Variants in MBD3 observed in about 807,000 individuals in gnomAD.
The protein encoded by MBD3 is methyl-CpG-binding domain protein 3.
In MBD3, 13 loss-of-function variants were observed where a neutral mutation model predicts 31.2. That is an observed-to-expected ratio of 0.42 (90% CI 0.27 to 0.66). MBD3 has a LOEUF of 0.66. MBD3 is among the 30% of genes least tolerant of loss of function. The pLI, the probability that MBD3 is intolerant of heterozygous loss-of-function variation, is 0.26. For synonymous variants in MBD3, 223 were observed against 187.4 expected, an observed-to-expected ratio of 1.19 and a Z score of -1.55; for missense variants, 440 against 426.5, an observed-to-expected ratio of 1.03 and a Z score of -0.28.
rs1915920001 is a variant in MBD3 at position 1,575,292 on chromosome 19, T to C, written c.*2872A>G. 4.5e-6 allele frequency: 2 copies of C among 441,570 alleles called. No individual in the cohort carries two copies. The highest frequency in any genetic ancestry group is 1.6e-5 in the South Asian group (1 of 63,962). 27.4% of individuals were successfully genotyped at this position (441,570 alleles called of 1,614,324 possible). A position where few individuals can be genotyped will look rare whatever the true frequency, so the allele number is the denominator to read the frequency against. On this transcript the variant is annotated 3_prime_UTR_variant, in exon 7 of 7. Transcript: ENST00000434436. The stretch of plus-strand genomic sequence containing the variant: ...TAAAAATACAAAAATTAGCTGGGCG[T>C]GGTGGCTACTCGGGAGGCTGAGGCT...
chr19:1,580,761 A>G (rs1374794127), intron 5 of MBD3, among the ~76,000 whole-genome samples: 1 of 152,158 alleles, frequency 6.6e-6, no homozygotes, highest in Non-Finnish European at 1.5e-5. Flanking sequence ...ATCTCCCTGA[A>G]GGCAGAGACT....
chr19:1,585,371 G>GGCCCCA lies in MBD3; in HGVS notation c.111-163_111-158dup. On this transcript the variant is annotated intron_variant, in intron 1 of 6. Coordinates refer to ENST00000434436, the MANE Select transcript of MBD3 (RefSeq NM_001281453.2). The surrounding 1 kb of genome is among the most constrained non-coding windows in gnomAD (Gnocchi z 4.1). ...CTGACCCCAAACCCAGGCAGGCCCT[G>GGCCCCA]GCCCCAGCCCCAGACCCCAACCCTG... The GGCCCCA allele has an allele frequency of 1.3e-6, 1 of 779,854 alleles. No homozygotes were observed. The allele number at this position is 779,854 out of a possible 1,614,324, so 48.3% of individuals were successfully genotyped here.
At position 1,574,697 on chromosome 19, in the gene MBD3, C is replaced by G. The variant is rs1915068841; in HGVS notation, c.*3467G>C. 3 of 153,476 alleles carry G rather than the reference C, an allele frequency of 2.0e-5. No individual in the cohort carries two copies. Among genetic ancestry groups the G allele is most frequent in the Admixed American group, 1.9e-4 (3 of 15,460 alleles). 9.5% of individuals were successfully genotyped at this position (153,476 alleles called of 1,614,324 possible). A position where few individuals can be genotyped will look rare whatever the true frequency, so the allele number is the denominator to read the frequency against. On this transcript the variant is annotated 3_prime_UTR_variant, in exon 7 of 7. Coordinates refer to ENST00000434436, the MANE Select transcript of MBD3 (RefSeq NM_001281453.2). Reference sequence around the variant, plus strand: ...TGCCCAGCCACCCGCTACCAGAAAGCTGAGTCTTGCTCCGGTATGGCCCTG... The same window carrying G: ...TGCCCAGCCACCCGCTACCAGAAAGGTGAGTCTTGCTCCGGTATGGCCCTG...
Position 1,578,429 on chromosome 19 carries a change from C to A in MBD3, c.787G>T (p.Asp263Tyr). Residue 263 changes from aspartate (D) to tyrosine (Y), a missense_variant, in exon 6 of 7, where the codon GAC (aspartate) becomes TAC (tyrosine). By Grantham distance (160) the Asp-to-Tyr change is radical. Coordinates refer to ENST00000434436, the MANE Select transcript of MBD3 (RefSeq NM_001281453.2). The surrounding 1 kb of genome is among the most constrained non-coding windows in gnomAD (Gnocchi z 6.1). ...ELARDGEAPL[D>Y]KACAEDDDEE... ...TCGTCGTCCTCAGCGCAGGCCTTGT[C>A]CAGCGGCGCCTCCCCGTCACGGGCC... The A allele has an allele frequency of 6.2e-7, 1 of 1,605,810 alleles. No homozygotes were observed. The highest frequency in any genetic ancestry group is 8.5e-7 in the Non-Finnish European group (1 of 1,179,770).
intron 1 of MBD3, among the ~76,000 whole-genome samples, chr19:1,588,745 C>T (rs1431246158): frequency 6.8e-6 from 1 of 146,992 alleles, no homozygotes; most frequent in African/African-American, 2.5e-5. Flanking sequence ...TGACACTGCA[C>T]TCCAGCCTGG....
chr19:1,582,577 C>A, intron 4 of MBD3, 45 bp downstream of exon 4: 1 of 1,581,650 alleles, frequency 6.3e-7, no homozygotes, highest in Non-Finnish European at 8.7e-7. Context: ...ACCTCCACCC[C>A]ACCCGGCACA....
chr19:1,586,482 G>GAGT (rs1165382325), intron 1 of MBD3: 1 of 152,436 alleles, frequency 6.6e-6, no homozygotes, highest in Non-Finnish European at 1.5e-5. Context: ...GCAGGATGTG[G>GAGT]AGTGGCTGCT....
In MBD3 at chr19:1,592,717, C is replaced by G; in HGVS notation, c.-86G>C. ...GCCGCCGCCTCAGCTGCCTCCGCTGCCGCTGCCGCCGCCGCCACTTGCCGC... is the reference window on the plus strand; with the variant it reads ...GCCGCCGCCTCAGCTGCCTCCGCTGGCGCTGCCGCCGCCGCCACTTGCCGC... On this transcript the variant is annotated 5_prime_UTR_variant, in exon 1 of 7. Transcript: ENST00000434436. 1 of 316,942 alleles carries G rather than the reference C, an allele frequency of 3.2e-6. No homozygotes were observed. The highest frequency in any genetic ancestry group is 4.6e-6 in the Non-Finnish European group (1 of 218,124). 19.6% of individuals were successfully genotyped at this position (316,942 alleles called of 1,614,324 possible). A position where few individuals can be genotyped will look rare whatever the true frequency, so the allele number is the denominator to read the frequency against.
intron 1 of MBD3, among the ~76,000 whole-genome samples, chr19:1,587,716 T>C (rs2060685864): frequency 6.6e-6 from 1 of 152,250 alleles, no homozygotes; most frequent in Non-Finnish European, 1.5e-5. Context: ...GGCTGGTGTC[T>C]TTTATCTTGA....
chr19:1,579,772 T>G (rs958429617), intron 5 of MBD3, among the ~76,000 whole-genome samples: 10 of 152,118 alleles, frequency 6.6e-5, no homozygotes, highest in African/African-American at 2.2e-4. Context: ...CCTTTTCTAT[T>G]TCTATAAGTT....
At chr19:1,583,774 T>C (rs1391896158) in intron 3 of MBD3, among the ~76,000 whole-genome samples, 1 of 152,076 alleles carries the variant, frequency 6.6e-6, no homozygotes, top group Non-Finnish European at 1.5e-5. Flanking sequence ...AGCTAGAAAA[T>C]ACCTGCAGGT....
At chr19:1,587,721 T>C (rs1271078867) in intron 1 of MBD3, among the ~76,000 whole-genome samples, 1 of 152,244 alleles carries the variant, frequency 6.6e-6, no homozygotes, top group Non-Finnish European at 1.5e-5. Flanking sequence ...GTGTCTTTTA[T>C]CTTGATAAAA....
intron 5 of MBD3, among the ~76,000 whole-genome samples, chr19:1,579,605 C>T (rs977505697): frequency 1.3e-5 from 2 of 152,196 alleles, no homozygotes; most frequent in South Asian, 2.1e-4. Flanking sequence ...CTCTCTCCAG[C>T]GGCTCCTGCA....
intron 1 of MBD3, among the ~76,000 whole-genome samples, chr19:1,590,196 G>C (rs569871513): frequency 2.0e-5 from 3 of 152,342 alleles, no homozygotes; most frequent in Non-Finnish European, 4.4e-5. Flanking sequence ...TACTCGGGAG[G>C]CTGAGGCAGA....
In MBD3 at chr19:1,578,246, G is replaced by T; in HGVS notation, c.*6-88C>A. The T allele has an allele frequency of 6.4e-7, 1 of 1,573,626 alleles. No homozygotes were observed. Among genetic ancestry groups the T allele is most frequent in the African/African-American group, 1.3e-5 (1 of 74,376 alleles). On this transcript the variant is annotated intron_variant, in intron 6 of 6. Transcript: ENST00000434436. This position sits in a 1 kb window ranked among gnomAD's most constrained non-coding sequence, Gnocchi z 6.1. ...TAGGGAGATGGGAAGCTCTTGGGAG[G>T]CACCCGTCATCCCAAGCACATCTGT...
rs910085702 is a variant in MBD3, at chr19:1,574,702, T to G, written c.*3462A>C. 6.5e-6 allele frequency: 1 copy of G among 153,850 alleles called. No individual in the cohort carries two copies. The highest frequency in any genetic ancestry group is 2.4e-5 in the African/African-American group (1 of 41,440). The allele number at this position is 153,850 out of a possible 1,614,324, so 9.5% of individuals were successfully genotyped here. On this transcript the variant is annotated 3_prime_UTR_variant, in exon 7 of 7. Transcript: ENST00000434436. ...AGCCACCCGCTACCAGAAAGCTGAG[T>G]CTTGCTCCGGTATGGCCCTGTCCGA...
At position 1,575,361 on chromosome 19, in the gene MBD3, C is replaced by G; in HGVS notation, c.*2803G>C. 4.8e-6 allele frequency: 2 copies of G among 414,932 alleles called. No individual in the cohort carries two copies. Among genetic ancestry groups the G allele is most frequent in the South Asian group, 3.2e-5 (2 of 61,566 alleles). The allele number at this position is 414,932 out of a possible 1,614,324, so 25.7% of individuals were successfully genotyped here. A position where few individuals can be genotyped will look rare whatever the true frequency, so the allele number is the denominator to read the frequency against. ...GTTGCAGTGAGCCCAGATCACGCCA[C>G]TGCACTCCAGCCTGTGCAACAAGAG... On this transcript the variant is annotated 3_prime_UTR_variant, in exon 7 of 7. Transcript: ENST00000434436.
At chr19:1,591,815 C>A (rs762028147) in intron 1 of MBD3, among the ~76,000 whole-genome samples, 23 of 152,136 alleles carry the variant, frequency 1.5e-4, no homozygotes, top group Non-Finnish European at 2.4e-4. Flanking sequence ...AGAGCAGCGC[C>A]TTGTTCCAAT....
chr19:1,592,638 C>T lies in MBD3; in HGVS notation c.-7G>A. 4.1e-6 allele frequency: 5 copies of T among 1,231,364 alleles called. No individual in the cohort carries two copies. The highest frequency in any genetic ancestry group is 1.7e-5 in the South Asian group (1 of 59,654). 76.3% of individuals were successfully genotyped at this position (1,231,364 alleles called of 1,614,324 possible). On this transcript the variant is annotated 5_prime_UTR_variant, in exon 1 of 7. Coordinates refer to ENST00000434436, the MANE Select transcript of MBD3 (RefSeq NM_001281453.2). ...CCCACCTCTTCCGCTCCATTGCGCC[C>T]GGCTCCTCGGCCCGCCGCCGGGCCC...
Sources: gnomAD v4.1 joint callset for allele counts (sites outside exome capture counted in the v4.1 genomes callset) on GRCh38, gnomAD v4.1.1 for gene constraint, Gnocchi (gnomAD v3.1) non-coding constraint, MANE v1.5 for transcripts, NCBI Gene and HGNC (gene_info 2026-07-23, HGNC 2026-07-21) for gene names.